The following DCBLD1 variants were observed in gnomAD, a reference collection of about 807,000 sequenced individuals.
DCBLD1 encodes the protein discoidin, CUB and LCCL domain containing 1.
DCBLD1 carries 57 observed loss-of-function variants against 71.5 expected under a neutral mutation model. That is an observed-to-expected ratio of 0.80 (90% CI 0.64 to 0.99). The LOEUF (loss-of-function observed/expected upper bound fraction) is 0.99, where lower values mean the gene tolerates loss of function less well. Ranked by LOEUF, DCBLD1 falls within the 50% of genes least tolerant of loss-of-function variation. DCBLD1 has a pLI of 0.00. For synonymous variants in DCBLD1, 380 were observed against 363.8 expected (o/e 1.04, Z -0.51); for missense variants, 891 against 923.5 (o/e 0.96, Z 0.46).
intron 14 of DCBLD1, among the ~76,000 whole-genome samples, chr6:117,556,268 T>C (rs1195020652): frequency 1.3e-5 from 2 of 152,202 alleles, no homozygotes; most frequent in African/African-American, 2.4e-5. Context: ...GTTTTGTACA[T>C]GCATATATTG....
At chr6:117,516,543 G>A (rs1164960933) in intron 2 of DCBLD1, among the ~76,000 whole-genome samples, 1 of 152,120 alleles carries the variant, frequency 6.6e-6, no homozygotes, top group Non-Finnish European at 1.5e-5. Context: ...TCTTCAGTAT[G>A]TGAAACTTGA....
intron 2 of DCBLD1, among the ~76,000 whole-genome samples, chr6:117,512,283 T>C (rs1778049267): frequency 6.6e-6 from 1 of 152,216 alleles, no homozygotes; most frequent in Admixed American, 6.5e-5. Context: ...ATCCGCCTGC[T>C]TCATTTATCA....
chr6:117,536,180 T>C (rs1375628242), intron 6 of DCBLD1, among the ~76,000 whole-genome samples: 1 of 152,248 alleles, frequency 6.6e-6, no homozygotes, highest in African/African-American at 2.4e-5. Context: ...GTGTCCATTA[T>C]TCCCATCTAT....
At chr6:117,563,630 G>A (rs1028078566) in intron 14 of DCBLD1, among the ~76,000 whole-genome samples, 2 of 152,012 alleles carry the variant, frequency 1.3e-5, no homozygotes, top group African/African-American at 4.8e-5. Context: ...ACTGAGGAAG[G>A]AGAATCACTT....
intron 1 of DCBLD1, among the ~76,000 whole-genome samples, chr6:117,500,119 C>G (rs562951775): frequency 1.9e-3 from 283 of 152,328 alleles, no homozygotes; most frequent in Admixed American, 3.6e-3. Flanking sequence ...AGCAGTTTTT[C>G]ATTTTACCCT....
chr6:117,537,513 A>C (rs147409417), intron 7 of DCBLD1, among the ~76,000 whole-genome samples: 23 of 150,534 alleles, frequency 1.5e-4, no homozygotes, highest in African/African-American at 5.7e-4. Flanking sequence ...CAGCCTGGGT[A>C]ACAGAGCGAG....
chr6:117,565,209 T>C (rs2114600843), intron 14 of DCBLD1, among the ~76,000 whole-genome samples: 1 of 152,326 alleles, frequency 6.6e-6, no homozygotes, highest in East Asian at 1.9e-4. Flanking sequence ...TATTTTACAA[T>C]TTTACAAATC....
At position 117,541,017 on chromosome 6, in the gene DCBLD1, C is replaced by T. The variant is rs928727495; in HGVS notation, c.1349C>T (p.Thr450Ile). The change falls in exon 11 of 15, where the codon ACA (threonine) becomes ATA (isoleucine). Residue 450 changes from threonine (T) to isoleucine (I), a missense_variant. Transcript: ENST00000338728. ...TITRPIPSEE[T>I]STGINITTVA... ...ACAAGGCCCATCCCCTCGGAAGAAACATCCACAGGTAGAGCCGTGATTGTC... is the reference window on the plus strand; with the variant it reads ...ACAAGGCCCATCCCCTCGGAAGAAATATCCACAGGTAGAGCCGTGATTGTC... 1 of 1,614,172 alleles carries T rather than the reference C, an allele frequency of 6.2e-7. No individual in the cohort carries two copies. The highest frequency in any genetic ancestry group is 8.5e-7 in the Non-Finnish European group (1 of 1,180,020).
At chr6:117,503,580 C>G (rs956404255) in intron 1 of DCBLD1, 187 bp from the exon 2 acceptor site, 13 of 606,486 alleles carry the variant, frequency 2.1e-5, no homozygotes, top group Non-Finnish European at 3.1e-5. Flanking sequence ...AACTGGAAAA[C>G]AAGAGATGAA....
At chr6:117,510,320 C>A (rs967794253) in intron 2 of DCBLD1, among the ~76,000 whole-genome samples, 1 of 151,510 alleles carries the variant, frequency 6.6e-6, no homozygotes, top group African/African-American at 2.4e-5. Context: ...TTTTTCTGTC[C>A]CTTCTAACAC....
chr6:117,557,479 A>G (rs1410922111), intron 14 of DCBLD1, among the ~76,000 whole-genome samples: 2 of 152,152 alleles, frequency 1.3e-5, no homozygotes, highest in African/African-American at 4.8e-5. Flanking sequence ...GCACTCTCAA[A>G]AGTCAATTCC....
At chr6:117,483,003 GGGGA>G in intron 1 of DCBLD1, 110 bp downstream of exon 1, 1 of 1,007,044 alleles carries the variant, frequency 9.9e-7, no homozygotes, top group Non-Finnish European at 1.2e-6. Context: ...CCGGGCCTGG[GGGGA>G]CGGAGCGCGG....
At chr6:117,514,489 C>A (rs1054083980) in intron 2 of DCBLD1, among the ~76,000 whole-genome samples, 4 of 151,782 alleles carry the variant, frequency 2.6e-5, no homozygotes, top group African/African-American at 4.8e-5. Context: ...CACCTGTAAT[C>A]CAGCTTCTTG....
At chr6:117,547,263 A>T (rs1779296718) in intron 14 of DCBLD1, among the ~76,000 whole-genome samples, 1 of 152,194 alleles carries the variant, frequency 6.6e-6, no homozygotes. Context: ...GTGCGTTCGA[A>T]TCCTACTCCA....
intron 14 of DCBLD1, chr6:117,547,453 C>G (rs1779303626): frequency 2.3e-6 from 1 of 431,772 alleles, no homozygotes; most frequent in African/African-American, 2.0e-5. Flanking sequence ...ATCATCCTCA[C>G]TGTCACCACT....
chr6:117,557,053 TCTTA>T (rs1256715581), intron 14 of DCBLD1, among the ~76,000 whole-genome samples: 11 of 152,320 alleles, frequency 7.2e-5, no homozygotes, highest in South Asian at 6.2e-4. Context: ...CTTTTTATCT[TCTTA>T]CTTAGACGCC....
At chr6:117,521,396 A>G (rs1778379151) in intron 3 of DCBLD1, 129 bp from the exon 4 acceptor site, 5 of 734,842 alleles carry the variant, frequency 6.8e-6, no homozygotes, top group South Asian at 4.1e-5. Context: ...TTTTAAAAGG[A>G]AAATTCTGAT....
intron 11 of DCBLD1, among the ~76,000 whole-genome samples, chr6:117,541,422 C>A (rs1244008009): frequency 6.6e-6 from 1 of 151,966 alleles, no homozygotes; most frequent in Non-Finnish European, 1.5e-5. Flanking sequence ...AGCACGCCAC[C>A]CTTTCTGCAA....
At chr6:117,567,509 A>G (rs1779722357) in intron 14 of DCBLD1, among the ~76,000 whole-genome samples, 1 of 152,172 alleles carries the variant, frequency 6.6e-6, no homozygotes, top group African/African-American at 2.4e-5. Context: ...ACATCATATA[A>G]ATCTTTTCTT....
Sources: allele counts gnomAD v4.1 joint callset (sites outside exome capture counted in the v4.1 genomes callset), GRCh38; gene constraint gnomAD v4.1.1; transcripts MANE v1.5; gene names NCBI Gene and HGNC (gene_info 2026-07-23, HGNC 2026-07-21).